The following SPIRE2 variants were observed in gnomAD, a reference collection of about 807,000 sequenced individuals.
SPIRE2 encodes the protein protein spire homolog 2.
Under a neutral mutation model 80.7 loss-of-function variants are expected in SPIRE2, and 76 were observed. That is an observed-to-expected ratio of 0.94 (90% CI 0.78 to 1.14). The LOEUF is 1.14. Among genes scored for constraint, SPIRE2 ranks in the 50% most tolerant of loss-of-function variants. The probability of loss-of-function intolerance (pLI) is 0.00; values close to 1 mark genes in which losing one functional copy is unlikely to be tolerated. For synonymous variants in SPIRE2, 535 were observed against 432.6 expected (o/e 1.24, Z -2.94); for missense variants, 1,196 against 1,015.3 (o/e 1.18, Z -2.42).
chr16:89,844,825 C>G (rs565598194), intron 1 of SPIRE2, among the ~76,000 whole-genome samples: 1 of 152,220 alleles, frequency 6.6e-6, no homozygotes, highest in Non-Finnish European at 1.5e-5. Context: ...GCTAGCAGCT[C>G]TCCCACCTCG....
At chr16:89,865,984 A>AG (rs1477147848) in intron 12 of SPIRE2, among the ~76,000 whole-genome samples, 1 of 150,284 alleles carries the variant, frequency 6.7e-6, no homozygotes, top group Non-Finnish European at 1.5e-5. Context: ...AAAAAAAAAA[A>AG]AAAGGTAAGG....
At chr16:89,857,673 C>T (rs929066437) in intron 7 of SPIRE2, among the ~76,000 whole-genome samples, 2 of 151,024 alleles carry the variant, frequency 1.3e-5, no homozygotes, top group African/African-American at 2.4e-5. Context: ...TGGGTTCAAG[C>T]GATTCTCCTG....
rs1156530376 is a variant in SPIRE2 at position 89,850,546 on chromosome 16, G to A, written c.531G>A (p.Ala177=). The A allele has an allele frequency of 3.3e-6, 5 of 1,512,348 alleles. No homozygotes were observed. The East Asian group carries it at 7.4e-5, about 22-fold the overall frequency. The allele number at this position is 1,512,348 out of a possible 1,614,324, so 93.7% of individuals were successfully genotyped here. Residue 177 remains alanine, a synonymous_variant, in exon 3 of 15, where the codon GCG becomes GCA. Coordinates refer to ENST00000378247, the MANE Select transcript of SPIRE2 (RefSeq NM_032451.2). ...TFAQAMRLCA[A]RLTDPRGAQA... ...CCCAGGCCATGCGGCTGTGCGCGGCGCGGCTGACCGACCCCCGGGGCGCAC... is the reference window on the plus strand; with the variant it reads ...CCCAGGCCATGCGGCTGTGCGCGGCACGGCTGACCGACCCCCGGGGCGCAC...
At position 89,828,873 on chromosome 16, in the gene SPIRE2, G is replaced by T. The variant is rs1028697563; in HGVS notation, c.244+79G>T. 2.5e-5 allele frequency: 27 copies of T among 1,101,696 alleles called. No homozygotes were observed. Among genetic ancestry groups the T allele is most frequent in the Non-Finnish European group, 2.9e-5 (26 of 890,404 alleles). 68.2% of individuals were successfully genotyped at this position (1,101,696 alleles called of 1,614,324 possible). A position where few individuals can be genotyped will look rare whatever the true frequency, so the allele number is the denominator to read the frequency against. ...CGCCCCCTGGGTGGGGGTGGTCCCG[G>T]CGGAGAGGCTGCGACCGGTTCTGGA... On this transcript the variant is annotated intron_variant, in intron 1 of 14. Transcript: ENST00000378247. The surrounding 1 kb of genome is among the most constrained non-coding windows in gnomAD (Gnocchi z 5.9).
intron 12 of SPIRE2, among the ~76,000 whole-genome samples, chr16:89,865,004 C>CTTTTTT (rs398042284): frequency 4.8e-5 from 6 of 125,364 alleles, no homozygotes; most frequent in Non-Finnish European, 5.1e-5. Context: ...ACTTTTTTTC[C>CTTTTTT]TTTTTTTTTT....
chr16:89,844,383 T>A (rs1467820446), intron 1 of SPIRE2, among the ~76,000 whole-genome samples: 1 of 151,304 alleles, frequency 6.6e-6, no homozygotes, highest in African/African-American at 2.4e-5. Context: ...ATCATGTTGG[T>A]CAGGCTGGTC....
chr16:89,850,053 GTCTTGA>G, intron 2 of SPIRE2: 1 of 623,082 alleles, frequency 1.6e-6, no homozygotes. Context: ...GGTCAGGCTG[GTCTTGA>G]ACTCCTGACC....
chr16:89,863,726 A>G lies in SPIRE2; in HGVS notation c.1711-68A>G. ...ATCTGGTTGGGAGCCCTGAGGGGGT[A>G]GCAGGGACAGGGCGGGACCCCAGGG... On this transcript the variant is annotated intron_variant, in intron 11 of 14. Coordinates refer to ENST00000378247, the MANE Select transcript of SPIRE2 (RefSeq NM_032451.2). This position sits in a 1 kb window ranked among gnomAD's most constrained non-coding sequence, Gnocchi z 4.3. 6.2e-7 allele frequency: 1 copy of G among 1,604,414 alleles called. No individual in the cohort carries two copies. The highest frequency in any genetic ancestry group is 8.5e-7 in the Non-Finnish European group (1 of 1,171,330).
intron 6 of SPIRE2, 59 bp downstream of exon 6, chr16:89,855,745 C>T (rs1400277239): frequency 1.9e-5 from 30 of 1,541,464 alleles, no homozygotes; most frequent in Admixed American, 3.5e-5. Flanking sequence ...TGTCCTGTAG[C>T]CAGCCTGGGA....
rs768740129 is a variant in SPIRE2, at chr16:89,870,079, T to C, written c.1952T>C (p.Val651Ala). 6.2e-7 allele frequency: 1 copy of C among 1,613,276 alleles called. No individual in the cohort carries two copies. Among genetic ancestry groups the C allele is most frequent in the Non-Finnish European group, 8.5e-7 (1 of 1,179,896 alleles). Residue 651 changes from valine to alanine, a missense_variant, in exon 15 of 15, where the codon GTG becomes GCG. Transcript: ENST00000378247. ...CTGCAAGGGCCACAGTGGCAGAGCG[T>C]GGAGGAGGCGTTCCCCCACATCTAC... Reference protein sequence around the residue: ...QSLQGPQWQSVEEAFPHIYSH... With the variant: ...QSLQGPQWQSAEEAFPHIYSH...
In SPIRE2 at chr16:89,837,618, G is replaced by A. The variant is rs566357425; in HGVS notation, c.245-7704G>A. On this transcript the variant is annotated intron_variant, in intron 1 of 14. Transcript: ENST00000378247. ...GCTGGGTCGGGATCCCTGCAGGAGC[G>A]GAGAAGCGGGGGATCAGGGGCACTG... Among the ~76,000 whole-genome samples the A allele has an allele frequency of 7.9e-5, 12 of 152,300 alleles. No homozygotes were observed. In the South Asian group the frequency reaches 1.0e-3, roughly 13 times the overall value.
rs773658284 is a variant in SPIRE2 at position 89,859,193 on chromosome 16, C to A, written c.1301C>A (p.Thr434Lys). Residue 434 changes from threonine (T) to lysine (K), a missense_variant, in exon 9 of 15, where the codon ACG (threonine) becomes AAG (lysine). By Grantham distance (78) the Thr-to-Lys change is moderately conservative. Transcript: ENST00000378247. ...EEEESPCGEVTLKRDRSFSEH... is the reference protein window; with the variant it reads ...EEEESPCGEVKLKRDRSFSEH... ...GAAGAGTCTCCGTGTGGGGAGGTGA[C>A]GCTGAAACGGGACCGCTCCTTCTCA... The A allele has an allele frequency of 5.6e-6, 9 of 1,595,438 alleles. No homozygotes were observed. The highest frequency in any genetic ancestry group is 7.7e-6 in the Non-Finnish European group (9 of 1,170,078).
intron 6 of SPIRE2, 190 bp downstream of exon 6, chr16:89,855,876 C>G: frequency 1.1e-6 from 1 of 916,852 alleles, no homozygotes; most frequent in Non-Finnish European, 1.6e-6. Flanking sequence ...TGGCCCTGGG[C>G]CCTTTTTCTG....
chr16:89,840,404 C>G (rs2041493143), intron 1 of SPIRE2, among the ~76,000 whole-genome samples: 1 of 151,672 alleles, frequency 6.6e-6, no homozygotes, highest in Non-Finnish European at 1.5e-5. Context: ...CGCCCGCCAC[C>G]AGGCCTGGCT....
chr16:89,863,740 G>A lies in SPIRE2; in HGVS notation c.1711-54G>A, dbSNP rs534699269. ...CCTGAGGGGGTAGCAGGGACAGGGC[G>A]GGACCCCAGGGAGCTTTGGACAAAG... On this transcript the variant is annotated intron_variant, in intron 11 of 14. Coordinates refer to ENST00000378247, the MANE Select transcript of SPIRE2 (RefSeq NM_032451.2). The surrounding 1 kb of genome is among the most constrained non-coding windows in gnomAD (Gnocchi z 4.3). 20 of 1,606,864 alleles carry A rather than the reference G, an allele frequency of 1.2e-5. No individual in the cohort carries two copies. The East Asian group carries it at 2.0e-4, about 16-fold the overall frequency.
intron 7 of SPIRE2, among the ~76,000 whole-genome samples, chr16:89,857,874 T>A (rs1205987082): frequency 8.2e-6 from 1 of 121,924 alleles, no homozygotes; most frequent in Non-Finnish European, 1.7e-5. Context: ...CCAGCCTAGT[T>A]CTTCTTCTTT....
intron 12 of SPIRE2, among the ~76,000 whole-genome samples, chr16:89,866,492 C>G (rs574940629): frequency 2.0e-5 from 3 of 152,182 alleles, no homozygotes; most frequent in Admixed American, 2.0e-4. Context: ...GATGGGGTTT[C>G]TCCATGTTGG....
intron 12 of SPIRE2, among the ~76,000 whole-genome samples, chr16:89,867,708 C>T (rs2041802329): frequency 2.0e-5 from 3 of 152,038 alleles, no homozygotes; most frequent in Admixed American, 2.0e-4. Context: ...TCTCAGCCCC[C>T]CAAGTAGCTG....
At position 89,848,233 on chromosome 16, in the gene SPIRE2, C is replaced by T. The variant is rs575593838; in HGVS notation, c.289-2071C>T. On this transcript the variant is annotated intron_variant, in intron 2 of 14. Transcript: ENST00000378247. ...AGGTCCCTTGCCCCAGGTGACCCCCCGAGCCCTGGCCAGGGCCCTGCTGTC... is the reference window on the plus strand; with the variant it reads ...AGGTCCCTTGCCCCAGGTGACCCCCTGAGCCCTGGCCAGGGCCCTGCTGTC... Among the ~76,000 whole-genome samples the T allele has an allele frequency of 5.3e-5, 8 of 152,340 alleles. No homozygotes were observed. The South Asian group carries it at 1.2e-3, about 24-fold the overall frequency.
Sources: gnomAD v4.1 joint callset for allele counts (sites outside exome capture counted in the v4.1 genomes callset) on GRCh38, gnomAD v4.1.1 for gene constraint, Gnocchi (gnomAD v3.1) non-coding constraint, MANE v1.5 for transcripts, NCBI Gene and HGNC (gene_info 2026-07-23, HGNC 2026-07-21) for gene names.